Variants in CCDC3 observed in about 807,000 individuals in gnomAD.
CCDC3 encodes coiled-coil domain-containing protein 3.
In CCDC3, 24 loss-of-function variants were observed where a neutral mutation model predicts 21.4. The ratio of observed to expected loss-of-function variants is 1.12; its 90% CI spans 0.81 to 1.58. The LOEUF is 1.58. Among genes scored for constraint, CCDC3 ranks in the 40% most tolerant of loss-of-function variants. The pLI is 0.00. For synonymous variants in CCDC3, 186 were observed against 166.0 expected (o/e 1.12, Z -0.93); for missense variants, 425 against 360.9 (o/e 1.18, Z -1.44).
At chr10:12,904,272 G>C (rs1834137486) in intron 2 of CCDC3, among the ~76,000 whole-genome samples, 2 of 151,820 alleles carry the variant, frequency 1.3e-5, no homozygotes, top group African/African-American at 2.4e-5. Flanking sequence ...TTTGAGACCA[G>C]CCTGGGAAAC....
intron 2 of CCDC3, among the ~76,000 whole-genome samples, chr10:12,943,872 G>T (rs1454595217): frequency 2.0e-5 from 3 of 152,060 alleles, no homozygotes; most frequent in Non-Finnish European, 4.4e-5. Flanking sequence ...CTTGTTATGT[G>T]TCCACATCCT....
At chr10:12,968,908 T>C (rs1267926603) in intron 2 of CCDC3, among the ~76,000 whole-genome samples, 1 of 151,954 alleles carries the variant, frequency 6.6e-6, no homozygotes, top group Non-Finnish European at 1.5e-5. Flanking sequence ...GAGAAAATCA[T>C]CTAATCATAA....
chr10:13,028,696 C>G (rs1836258207), intron 5 of CCDC3, among the ~76,000 whole-genome samples: 1 of 152,152 alleles, frequency 6.6e-6, no homozygotes, highest in Non-Finnish European at 1.5e-5. Flanking sequence ...CGCCAAACAA[C>G]TGGTTTGGGG....
intron 5 of CCDC3, among the ~76,000 whole-genome samples, chr10:13,013,435 A>G (rs1323302602): frequency 6.6e-6 from 1 of 152,258 alleles, no homozygotes; most frequent in Non-Finnish European, 1.5e-5. Context: ...ATGAATTATA[A>G]CCCATAGAAT....
chr10:12,934,736 C>T (rs545093572), intron 2 of CCDC3, among the ~76,000 whole-genome samples: 3 of 152,218 alleles, frequency 2.0e-5, no homozygotes, highest in Admixed American at 6.5e-5. Context: ...CTGAAGTCTG[C>T]TCTAAAATTA....
chr10:13,062,699 A>C (rs1035896520), intron 4 of CCDC3, among the ~76,000 whole-genome samples: 7 of 152,176 alleles, frequency 4.6e-5, no homozygotes, highest in African/African-American at 1.4e-4. Context: ...TTTCCCAAGC[A>C]GACCTCCTTT....
intron 4 of CCDC3, among the ~76,000 whole-genome samples, chr10:13,068,617 T>C (rs943188244): frequency 6.6e-6 from 1 of 152,212 alleles, no homozygotes. Context: ...TGTGAACAGT[T>C]TGACTTGCCT....
At chr10:12,992,822 CACTG>C (rs1835701263) in intron 2 of CCDC3, among the ~76,000 whole-genome samples, 2 of 152,150 alleles carry the variant, frequency 1.3e-5, no homozygotes, top group Admixed American at 6.5e-5. Context: ...TTTAAAACAC[CACTG>C]ACTGTCTATA....
intron 4 of CCDC3, chr10:13,058,222 T>C: frequency 7.7e-7 from 1 of 1,305,044 alleles, no homozygotes; most frequent in Non-Finnish European, 1.1e-6. Context: ...CAGCGGTAGT[T>C]CTGGCAAGGC....
chr10:13,037,476 G>C lies in CCDC3; in HGVS notation c.-2+12198C>G, dbSNP rs964485503. On this transcript the variant is annotated intron_variant, in intron 5 of 6. Coordinates refer to the CCDC3 transcript ENST00000378839. ...AGGTTTATGGGAAACATTGTAGAAG[G>C]TGATCATGTCTCTAAGTCTCTTTTA... 3.9e-5 allele frequency among the ~76,000 whole-genome samples: 6 copies of C among 152,128 alleles called. No individual in the cohort carries two copies. In the South Asian group the frequency reaches 1.2e-3, roughly 32 times the overall value.
chr10:13,084,747 A>G (rs1395436341), intron 3 of CCDC3, among the ~76,000 whole-genome samples: 1 of 152,162 alleles, frequency 6.6e-6, no homozygotes, highest in Admixed American at 6.5e-5. Flanking sequence ...GAAAGTTGCC[A>G]GCAATCAGTG....
chr10:12,988,396 G>A (rs2131277929), intron 2 of CCDC3, among the ~76,000 whole-genome samples: 1 of 152,192 alleles, frequency 6.6e-6, no homozygotes. Flanking sequence ...GCCCAGGCTG[G>A]AGTACAGTAG....
chr10:12,969,218 G>A (rs186420831), intron 2 of CCDC3, among the ~76,000 whole-genome samples: 84 of 152,120 alleles, frequency 5.5e-4, no homozygotes, highest in Non-Finnish European at 8.4e-4. Context: ...TCAACATCAC[G>A]AATCATCAGG....
intron 4 of CCDC3, among the ~76,000 whole-genome samples, chr10:13,055,221 G>C (rs961775764): frequency 6.6e-6 from 1 of 152,230 alleles, no homozygotes; most frequent in Admixed American, 6.5e-5. Context: ...GATTTCAAGA[G>C]AGTGGAAGCT....
At chr10:12,990,378 A>G (rs1034373395) in intron 2 of CCDC3, among the ~76,000 whole-genome samples, 1 of 152,198 alleles carries the variant, frequency 6.6e-6, no homozygotes, top group Non-Finnish European at 1.5e-5. Flanking sequence ...ATACACATAA[A>G]GCCCCTCCGC....
intron 2 of CCDC3, among the ~76,000 whole-genome samples, chr10:12,931,208 CAAA>C (rs67541166): frequency 0.076 from 5,702 of 74,706 alleles, 97 homozygotes; most frequent in Non-Finnish European, 0.099. Flanking sequence ...AAGACTCTGT[CAAA>C]AAAAAAAAAA....
At chr10:13,035,032 T>TA (rs1836360552) in intron 5 of CCDC3, among the ~76,000 whole-genome samples, 4 of 94,528 alleles carry the variant, frequency 4.2e-5, no homozygotes, top group Admixed American at 1.3e-4. Context: ...TCTCAAAAAA[T>TA]TAAAAAAAAA....
chr10:12,902,581 A>T (rs573901561), intron 2 of CCDC3, among the ~76,000 whole-genome samples: 12 of 152,296 alleles, frequency 7.9e-5, no homozygotes, highest in African/African-American at 2.9e-4. Flanking sequence ...GCTTGCTCGA[A>T]TTTTCAAAGA....
intron 4 of CCDC3, chr10:13,073,746 C>G (rs905892808): frequency 6.6e-6 from 1 of 152,190 alleles, no homozygotes; most frequent in Non-Finnish European, 1.5e-5. Flanking sequence ...GCCAGCTTCC[C>G]TAGGTGCTGG....
Sources: gnomAD v4.1 joint callset for allele counts (sites outside exome capture counted in the v4.1 genomes callset) on GRCh38, gnomAD v4.1.1 for gene constraint, MANE v1.5 for transcripts, NCBI Gene and HGNC (gene_info 2026-07-23, HGNC 2026-07-21) for gene names.